GPR39: variants seen among roughly 807,000 people sequenced by gnomAD.
GPR39 encodes G protein-coupled receptor 39.
A neutral mutation model predicts 18.4 loss-of-function variants in GPR39; 23 were observed. The ratio of observed to expected loss-of-function variants is 1.25; its 90% CI spans 0.90 to 1.77. The LOEUF is 1.77. Among genes scored for constraint, GPR39 ranks in the 40% most tolerant of loss-of-function variants. The pLI, the probability that GPR39 is intolerant of heterozygous loss-of-function variation, is 0.00. For missense variants in GPR39, 647 were observed against 602.4 expected, an observed-to-expected ratio of 1.07 and a Z score of -0.78; for synonymous variants, 280 against 257.9, an observed-to-expected ratio of 1.09 and a Z score of -0.82.
chr2:132,599,023 G>A lies in GPR39; in HGVS notation c.857-46078G>A, dbSNP rs181060920. Among the ~76,000 whole-genome samples the A allele has an allele frequency of 3.7e-3, 556 of 152,270 alleles. 5 individuals are homozygous for A. Among genetic ancestry groups the A allele is most frequent in the Non-Finnish European group, 6.2e-3 (422 of 68,024 alleles). ...GGTTAGTTGACAAGGAGGCAGGAAG[G>A]GGGTGGAGGTGCGGTGGTGGTGATC... is the stretch of plus-strand genomic sequence containing the variant. On this transcript the variant is annotated intron_variant, in intron 1 of 1. Coordinates refer to ENST00000329321, the MANE Select transcript of GPR39 (RefSeq NM_001508.3).
At chr2:132,633,784 C>T (rs535796130) in intron 1 of GPR39, among the ~76,000 whole-genome samples, 1 of 151,970 alleles carries the variant, frequency 6.6e-6, no homozygotes, top group South Asian at 2.1e-4. Flanking sequence ...AGGTGGAAGT[C>T]ATGGTAGAGA....
intron 1 of GPR39, among the ~76,000 whole-genome samples, chr2:132,459,267 G>A (rs4428065): frequency 0.5 from 76,252 of 152,094 alleles, 20,896 homozygotes; most frequent in Non-Finnish European, 0.62. Flanking sequence ...TTGAATGTTA[G>A]TCATGTGCTA....
chr2:132,536,286 G>T (rs967504038), intron 1 of GPR39, among the ~76,000 whole-genome samples: 34 of 152,066 alleles, frequency 2.2e-4, no homozygotes, highest in African/African-American at 8.2e-4. Context: ...GTTCTCACTG[G>T]TTTCAAATAA....
intron 1 of GPR39, among the ~76,000 whole-genome samples, chr2:132,620,201 A>G (rs1196868984): frequency 6.6e-6 from 1 of 151,998 alleles, no homozygotes; most frequent in Non-Finnish European, 1.5e-5. Flanking sequence ...TTTTACATGA[A>G]AGTTGATAAA....
At chr2:132,572,724 C>T (rs62169692) in intron 1 of GPR39, among the ~76,000 whole-genome samples, 9,051 of 152,108 alleles carry the variant, frequency 0.06, 415 homozygotes, top group Admixed American at 0.13. Context: ...GTGGTAGCAA[C>T]AAGTTTACAC....
intron 1 of GPR39, among the ~76,000 whole-genome samples, chr2:132,484,716 C>T (rs767370224): frequency 7.2e-5 from 11 of 152,238 alleles, no homozygotes; most frequent in Admixed American, 3.3e-4. Context: ...GACAAAAATT[C>T]TCCTATAAGA....
At chr2:132,542,305 C>T (rs143237607) in intron 1 of GPR39, among the ~76,000 whole-genome samples, 2 of 152,276 alleles carry the variant, frequency 1.3e-5, no homozygotes, top group East Asian at 3.9e-4. Flanking sequence ...AGTGAGGTGA[C>T]AAGGTAAAAG....
At chr2:132,514,361 A>G (rs2104761310) in intron 1 of GPR39, among the ~76,000 whole-genome samples, 1 of 152,092 alleles carries the variant, frequency 6.6e-6, no homozygotes, top group East Asian at 1.9e-4. Context: ...CACCCTCACC[A>G]TTGCTCCCAC....
At chr2:132,633,457 T>TA (rs1380553543) in intron 1 of GPR39, among the ~76,000 whole-genome samples, 1 of 151,726 alleles carries the variant, frequency 6.6e-6, no homozygotes, top group Non-Finnish European at 1.5e-5. Flanking sequence ...TTTGGGCTGT[T>TA]AAACAGGCTG....
At chr2:132,519,683 C>A (rs746874448) in intron 1 of GPR39, among the ~76,000 whole-genome samples, 2 of 152,082 alleles carry the variant, frequency 1.3e-5, no homozygotes, top group Non-Finnish European at 2.9e-5. Flanking sequence ...GAAGAACAGC[C>A]GCTGATATTA....
intron 1 of GPR39, among the ~76,000 whole-genome samples, chr2:132,636,091 G>A (rs777022590): frequency 1.3e-5 from 2 of 152,182 alleles, no homozygotes; most frequent in African/African-American, 2.4e-5. Flanking sequence ...CTAGACAAGG[G>A]TAGACAGAAA....
At position 132,522,262 on chromosome 2, in the gene GPR39, A is replaced by T. The variant is rs141972065; in HGVS notation, c.856+104364A>T. On this transcript the variant is annotated intron_variant, in intron 1 of 1. Transcript: ENST00000329321. ...ACCTACTTGTGCTTTCAAACTCATA[A>T]TTTTTCCTCTAAAATGATCGCTCAT... Among the ~76,000 whole-genome samples the T allele has an allele frequency of 9.0e-3, 1,371 of 152,076 alleles. 16 individuals carry two copies. The highest frequency in any genetic ancestry group is 0.032 in the African/African-American group (1,313 of 41,500).
chr2:132,538,962 G>A (rs1346009759), intron 1 of GPR39, among the ~76,000 whole-genome samples: 7 of 152,174 alleles, frequency 4.6e-5, no homozygotes, highest in Non-Finnish European at 1.0e-4. Context: ...TGCTGGCAGC[G>A]GGAATTTCAA....
intron 1 of GPR39, among the ~76,000 whole-genome samples, chr2:132,435,557 T>C (rs1680299289): frequency 6.6e-6 from 1 of 152,212 alleles, no homozygotes; most frequent in South Asian, 2.1e-4. Flanking sequence ...CAAGGTTACA[T>C]ACAGATTTTT....
chr2:132,487,345 A>C (rs1433063733), intron 1 of GPR39, among the ~76,000 whole-genome samples: 1 of 152,250 alleles, frequency 6.6e-6, no homozygotes, highest in African/African-American at 2.4e-5. Flanking sequence ...TGAAGTGAGC[A>C]CATGCTTTTG....
At chr2:132,440,867 G>A (rs1243814031) in intron 1 of GPR39, among the ~76,000 whole-genome samples, 2 of 152,222 alleles carry the variant, frequency 1.3e-5, no homozygotes, top group East Asian at 1.9e-4. Flanking sequence ...CTTGCAGGGC[G>A]TGACTTTCCA....
At chr2:132,514,633 G>C (rs1381220182) in intron 1 of GPR39, among the ~76,000 whole-genome samples, 1 of 152,166 alleles carries the variant, frequency 6.6e-6, no homozygotes, top group Non-Finnish European at 1.5e-5. Context: ...CCTCTGCCCT[G>C]CAACAGCTCT....
At chr2:132,644,852 TACACTGTCTA>T in intron 1 of GPR39, 1 of 510,850 alleles carries the variant, frequency 2.0e-6, no homozygotes, top group Non-Finnish European at 3.4e-6. Context: ...CTGGTATAAA[TACACTGTCTA>T]AAGCATTTAA....
chr2:132,525,472 T>C (rs1489454764), intron 1 of GPR39, among the ~76,000 whole-genome samples: 1 of 152,256 alleles, frequency 6.6e-6, no homozygotes, highest in Non-Finnish European at 1.5e-5. Flanking sequence ...TTTGCGGTGA[T>C]GCATGCACGT....
Sources: gnomAD v4.1 joint callset for allele counts (sites outside exome capture counted in the v4.1 genomes callset) on GRCh38, gnomAD v4.1.1 for gene constraint, MANE v1.5 for transcripts, NCBI Gene and HGNC (gene_info 2026-07-23, HGNC 2026-07-21) for gene names.